ZMYND10: variants seen among roughly 807,000 people sequenced by gnomAD.
The protein encoded by ZMYND10 is zinc finger MYND domain-containing protein 10.
Under a neutral mutation model 62.6 loss-of-function variants are expected in ZMYND10, and 52 were observed. That is an observed-to-expected ratio of 0.83 (90% CI 0.67 to 1.05). ZMYND10 has a LOEUF of 1.05. Among genes scored for constraint, ZMYND10 ranks in the 50% least tolerant of loss-of-function variants. The pLI, the probability that ZMYND10 is intolerant of heterozygous loss-of-function variation, is 0.00. For missense variants in ZMYND10, 438 were observed against 543.3 expected (o/e 0.81, Z 1.93); for synonymous variants, 197 against 218.5 (o/e 0.90, Z 0.87).
chr3:50,344,951 C>T, intron 2 of ZMYND10, 173 bp downstream of exon 2: 1 of 609,406 alleles, frequency 1.6e-6, no homozygotes, highest in Non-Finnish European at 2.9e-6. Flanking sequence ...GCCTGGTGTG[C>T]CAGAGTCCTG....
intron 10 of ZMYND10, 28 bp downstream of exon 10, chr3:50,341,782 C>T (rs762537939): frequency 5.6e-6 from 9 of 1,612,202 alleles, no homozygotes; most frequent in Non-Finnish European, 6.8e-6. Context: ...ATCCCCTCCA[C>T]CCTCCCTGCC....
chr3:50,341,487 TGCAG>T lies in ZMYND10; in HGVS notation c.1248-6_1248-3del. The T allele has an allele frequency of 6.2e-7, 1 of 1,614,264 alleles. No individual in the cohort carries two copies. Among genetic ancestry groups the T allele is most frequent in the East Asian group, 2.2e-5 (1 of 44,884 alleles). ...TCCCAGTGCTTGACTTGGCACTCCC[TGCAG>T]GCAGGTGGGTATTGAGGATGGCAAT... On this transcript the variant is annotated splice_polypyrimidine_tract_variant and splice_region_variant and intron_variant, in intron 11 of 11. Coordinates refer to ENST00000231749, the MANE Select transcript of ZMYND10 (RefSeq NM_015896.4).
Position 50,342,103 on chromosome 3 carries a change from AG to A in ZMYND10, c.910del (p.Leu304CysfsTer14). On this transcript the variant is annotated frameshift_variant, in exon 9 of 12. Transcript: ENST00000231749. LOFTEE classifies it high-confidence loss of function. ...ACTCTGCAAGTGGGCCAGGTTGGGCAGCTGGTCCAGCAGTGTGTCTGTGAGG... is the reference window on the plus strand; with the variant it reads ...ACTCTGCAAGTGGGCCAGGTTGGGCACTGGTCCAGCAGTGTGTCTGTGAGG... ...AFLTDTLLDQLPNLAHLQSFL... is the reference protein window; with the variant it reads ...AFLTDTLLDQXPNLAHLQSFL... The A allele has an allele frequency of 2.5e-6, 4 of 1,613,762 alleles. No individual in the cohort carries two copies. Among genetic ancestry groups the A allele is most frequent in the Non-Finnish European group, 3.4e-6 (4 of 1,179,878 alleles).
rs1443000657 is a variant in ZMYND10 at position 50,345,053 on chromosome 3, G to A, written c.201+71C>T. The A allele has an allele frequency of 7.5e-7, 1 of 1,340,564 alleles. No individual in the cohort carries two copies. Among genetic ancestry groups the A allele is most frequent in the Non-Finnish European group, 1.1e-6 (1 of 947,742 alleles). 83.0% of individuals were successfully genotyped at this position (1,340,564 alleles called of 1,614,324 possible). A position where few individuals can be genotyped will look rare whatever the true frequency, so the allele number is the denominator to read the frequency against. On this transcript the variant is annotated intron_variant, in intron 2 of 11. Transcript: ENST00000231749. The surrounding 1 kb of genome is among the most constrained non-coding windows in gnomAD (Gnocchi z 5.0). ...CCAGGCCAGAGGGGAAGGGCACACAGGGGACTCCGGAGGGGTAGAGTAGGT... is the reference window on the plus strand; with the variant it reads ...CCAGGCCAGAGGGGAAGGGCACACAAGGGACTCCGGAGGGGTAGAGTAGGT...
chr3:50,345,277 G>A lies in ZMYND10; in HGVS notation c.93-45C>T, dbSNP rs1421199575. The stretch of plus-strand genomic sequence containing the variant: ...CATGTGCGTCCACGTGTGTGCATTA[G>A]GAGTGGGGATGGGGGCTGGATCCTA... On this transcript the variant is annotated intron_variant, in intron 1 of 11. Coordinates refer to ENST00000231749, the MANE Select transcript of ZMYND10 (RefSeq NM_015896.4). This position sits in a 1 kb window ranked among gnomAD's most constrained non-coding sequence, Gnocchi z 5.0. The A allele has an allele frequency of 6.3e-7, 1 of 1,592,212 alleles. No homozygotes were observed. Among genetic ancestry groups the A allele is most frequent in the South Asian group, 1.1e-5 (1 of 88,624 alleles).
rs1487329574 is a variant in ZMYND10 at position 50,341,907 on chromosome 3, C to A, written c.1024G>T (p.Glu342Ter). The A allele has an allele frequency of 3.1e-6, 5 of 1,614,066 alleles. No individual in the cohort carries two copies. The highest frequency in any genetic ancestry group is 3.4e-6 in the Non-Finnish European group (4 of 1,180,024). Residue 342 changes from glutamate to a stop codon, truncating the protein, a stop_gained, in exon 10 of 12, where the codon GAG (glutamate) becomes TAG (stop). Coordinates refer to ENST00000231749, the MANE Select transcript of ZMYND10 (RefSeq NM_015896.4). LOFTEE classifies it high-confidence loss of function. ...TGCCACTTGCCTCTGTTTTCTCGCT[C>A]CAGCCGCTCCCAGATTTCTGGGATC... Reference protein sequence around the residue: ...EQIPEIWERLERENRGKWQAI... With the variant: ...EQIPEIWERL
chr3:50,345,631 G>A lies in ZMYND10; in HGVS notation c.-52C>T, dbSNP rs763565137. The stretch of plus-strand genomic sequence containing the variant: ...GGGCAGCAGCCGGGGTGGGGATGCT[G>A]TCACATTCGGGGACGACGGACCCCG... On this transcript the variant is annotated 5_prime_UTR_variant, in exon 1 of 12. Transcript: ENST00000231749. The surrounding 1 kb of genome is among the most constrained non-coding windows in gnomAD (Gnocchi z 5.0). The A allele has an allele frequency of 3.2e-6, 5 of 1,543,628 alleles. No homozygotes were observed. Among genetic ancestry groups the A allele is most frequent in the African/African-American group, 1.4e-5 (1 of 73,028 alleles).
Position 50,345,539 on chromosome 3 carries a change from A to C in ZMYND10, c.41T>G (p.Val14Gly). The C allele has an allele frequency of 6.2e-7, 1 of 1,609,636 alleles. No individual in the cohort carries two copies. The highest frequency in any genetic ancestry group is 8.5e-7 in the Non-Finnish European group (1 of 1,178,556). ...LELLLPGEAE[V>G]LVRGLRSFPL... ...GAAGCTGCGCAGACCCCGCACCAGCACTTCAGCTTCCCCGGGCAGCAGCAG... is the reference window on the plus strand; with the variant it reads ...GAAGCTGCGCAGACCCCGCACCAGCCCTTCAGCTTCCCCGGGCAGCAGCAG... The change falls in exon 1 of 12, where the codon GTG becomes GGG. Residue 14 changes from valine to glycine, a missense_variant. Transcript: ENST00000231749. This position sits in a 1 kb window ranked among gnomAD's most constrained non-coding sequence, Gnocchi z 5.0.
intron 7 of ZMYND10, 123 bp downstream of exon 7, chr3:50,342,795 T>C: frequency 2.1e-6 from 3 of 1,460,544 alleles, no homozygotes; most frequent in Non-Finnish European, 2.8e-6. Context: ...GGCTGAGGCA[T>C]CCTGGTATCC....
chr3:50,342,817 G>A, intron 7 of ZMYND10, 101 bp downstream of exon 7: 1 of 1,485,920 alleles, frequency 6.7e-7, no homozygotes, highest in Non-Finnish European at 9.1e-7. Flanking sequence ...CAGTGGGCTT[G>A]GGGACAGGGT....
At position 50,345,171 on chromosome 3, in the gene ZMYND10, C is replaced by A; in HGVS notation, c.154G>T (p.Val52Phe). 1 of 1,614,102 alleles carries A rather than the reference C, an allele frequency of 6.2e-7. No homozygotes were observed. Among genetic ancestry groups the A allele is most frequent in the Non-Finnish European group, 8.5e-7 (1 of 1,180,006 alleles). ...TCCTGAATGGGCTCGCCCTGGCTGA[C>A]TGTGGCATCGAGGATGGCTTGCATG... is the stretch of plus-strand genomic sequence containing the variant. ...LNMQAILDAT[V>F]SQGEPIQELL... is the part of the protein sequence containing the mutation. The change falls in exon 2 of 12, where the codon GTC (valine) becomes TTC (phenylalanine). Residue 52 changes from valine (V) to phenylalanine (F), a missense_variant. Physicochemically the swap from Val to Phe is conservative, Grantham distance 50. Coordinates refer to ENST00000231749, the MANE Select transcript of ZMYND10 (RefSeq NM_015896.4). The surrounding 1 kb of genome is among the most constrained non-coding windows in gnomAD (Gnocchi z 5.0).
rs149598357 is a variant in ZMYND10, at chr3:50,343,122, C to T, written c.595G>A (p.Asp199Asn). The T allele has an allele frequency of 6.2e-6, 10 of 1,614,102 alleles. No homozygotes were observed. The African/African-American group carries it at 1.2e-4, about 19-fold the overall frequency. Reference protein sequence around the residue: ...SVLRYITDCVDSLSLSTLSRM... With the variant: ...SVLRYITDCVNSLSLSTLSRM... ...AGGCCCAGTCGGACTGCTCACCTGT[C>T]CACACAGTCTGTGATGTAGCGTAGT... is the stretch of plus-strand genomic sequence containing the variant. Residue 199 changes from aspartate (D) to asparagine (N), a missense_variant, in exon 6 of 12, where the codon GAC becomes AAC. Physicochemically the swap from Asp to Asn is conservative, Grantham distance 23 (BLOSUM62 1). Transcript: ENST00000231749.
Position 50,341,426 on chromosome 3 carries a change from C to T in ZMYND10, c.1307G>A (p.Gly436Asp). The stretch of plus-strand genomic sequence containing the variant: ...CTGCAGCCCTCATTTGGCTCTGTCA[C>T]CCTGGGCTGCCAGGACACAAGTCTT... ...HGKTCVLAAQ[G>D]DRAK Residue 436 changes from glycine (G) to aspartate (D), a missense_variant, in exon 12 of 12, where the codon GGT (glycine) becomes GAT (aspartate). Transcript: ENST00000231749. 1 of 1,614,216 alleles carries T rather than the reference C, an allele frequency of 6.2e-7. No individual in the cohort carries two copies. Among genetic ancestry groups the T allele is most frequent in the Non-Finnish European group, 8.5e-7 (1 of 1,180,038 alleles).
Position 50,345,069 on chromosome 3 carries a change from T to C in ZMYND10, c.201+55A>G. ...GGGCACACAGGGGACTCCGGAGGGG[T>C]AGAGTAGGTGAGGTATGGGGGAAGG... On this transcript the variant is annotated intron_variant, in intron 2 of 11. Coordinates refer to ENST00000231749, the MANE Select transcript of ZMYND10 (RefSeq NM_015896.4). The surrounding 1 kb of genome is among the most constrained non-coding windows in gnomAD (Gnocchi z 5.0). 12 of 1,508,964 alleles carry C rather than the reference T, an allele frequency of 8.0e-6. No homozygotes were observed. The highest frequency in any genetic ancestry group is 1.1e-5 in the Non-Finnish European group (12 of 1,093,668). 93.5% of individuals were successfully genotyped at this position (1,508,964 alleles called of 1,614,324 possible).
chr3:50,345,478 G>A lies in ZMYND10; in HGVS notation c.92+10C>T, dbSNP rs1377879829. The A allele has an allele frequency of 1.9e-6, 3 of 1,591,094 alleles. No homozygotes were observed. Among genetic ancestry groups the A allele is most frequent in the Non-Finnish European group, 2.6e-6 (3 of 1,169,036 alleles). On this transcript the variant is annotated intron_variant, in intron 1 of 11. Transcript: ENST00000231749. The surrounding 1 kb of genome is among the most constrained non-coding windows in gnomAD (Gnocchi z 5.0). ...TGACTCCGGGACTCCGCCTGACCCGGGTGCCTCACCCTTCGGAGCCCATCT... is the reference window on the plus strand; with the variant it reads ...TGACTCCGGGACTCCGCCTGACCCGAGTGCCTCACCCTTCGGAGCCCATCT...
rs1002314413 is a variant in ZMYND10 at position 50,341,697 on chromosome 3, C to A, written c.1124G>T (p.Trp375Leu). 3 of 1,614,012 alleles carry A rather than the reference C, an allele frequency of 1.9e-6. No homozygotes were observed. The highest frequency in any genetic ancestry group is 1.3e-5 in the African/African-American group (1 of 74,952). ...EQDLRLQARR[W>L]AETYRLDVLE... ...CACATCCAGCCTGTAGGTCTCAGCC[C>A]ACCTGGGGGAAAGTCAGGAAGGTCT... Residue 375 changes from tryptophan (W) to leucine (L), a missense_variant and splice_region_variant, in exon 11 of 12, where the codon TGG becomes TTG. Coordinates refer to ENST00000231749, the MANE Select transcript of ZMYND10 (RefSeq NM_015896.4).
At chr3:50,342,206 G>A (rs1478879950) in intron 8 of ZMYND10, 66 bp from the exon 9 acceptor site, 2 of 1,587,744 alleles carry the variant, frequency 1.3e-6, no homozygotes, top group Non-Finnish European at 1.7e-6. Flanking sequence ...GGAAAAGGAA[G>A]GGGCTGGGTT....
rs1422227623 is a variant in ZMYND10, at chr3:50,342,030, G to A, written c.984C>T (p.Asp328=). Residue 328 remains aspartate, a synonymous_variant, in exon 9 of 12, where the codon GAC becomes GAT. Coordinates refer to ENST00000231749, the MANE Select transcript of ZMYND10 (RefSeq NM_015896.4). ...CAGTGCCTACCTGTTCCAACACCAG[G>A]TCCTTCTTAGGAGGCTGGGTTTCAG... ...TLTETQPPKK[D]LVLEQIPEIW... 5 of 1,614,092 alleles carry A rather than the reference G, an allele frequency of 3.1e-6. No individual in the cohort carries two copies. Among genetic ancestry groups the A allele is most frequent in the East Asian group, 2.2e-5 (1 of 44,900 alleles).
In ZMYND10 at chr3:50,345,486, A is replaced by C; in HGVS notation, c.92+2T>G. 1.3e-6 allele frequency: 2 copies of C among 1,597,664 alleles called. No individual in the cohort carries two copies. Among genetic ancestry groups the C allele is most frequent in the Non-Finnish European group, 1.7e-6 (2 of 1,172,570 alleles). On this transcript the variant is annotated splice_donor_variant, in intron 1 of 11. Coordinates refer to ENST00000231749, the MANE Select transcript of ZMYND10 (RefSeq NM_015896.4). LOFTEE classifies it high-confidence loss of function. The surrounding 1 kb of genome is among the most constrained non-coding windows in gnomAD (Gnocchi z 5.0). ...GGACTCCGCCTGACCCGGGTGCCTC[A>C]CCCTTCGGAGCCCATCTCGCGTAGC...
Sources: allele counts gnomAD v4.1 joint callset, GRCh38; gene constraint gnomAD v4.1.1; non-coding constraint Gnocchi (gnomAD v3.1); transcripts MANE v1.5; gene names NCBI Gene and HGNC (gene_info 2026-07-23, HGNC 2026-07-21).